The following SVIL variants were observed in gnomAD, a reference collection of about 807,000 sequenced individuals.
The protein encoded by SVIL is archvillin.
Under a neutral mutation model 240.4 loss-of-function variants are expected in SVIL, and 101 were observed. That is an observed-to-expected ratio of 0.42 (90% CI 0.36 to 0.50). SVIL has a LOEUF of 0.50. Among genes scored for constraint, SVIL ranks in the 20% least tolerant of loss-of-function variants. SVIL has a pLI of 0.01. For synonymous variants in SVIL, 999 were observed against 1,100.0 expected (o/e 0.91, Z 1.82); for missense variants, 2,512 against 2,818.7 (o/e 0.89, Z 2.46).
intron 1 of SVIL, among the ~76,000 whole-genome samples, chr10:29,720,500 C>T (rs1242442608): frequency 6.6e-6 from 1 of 151,952 alleles, no homozygotes; most frequent in Non-Finnish European, 1.5e-5. Context: ...GAATTCATCA[C>T]CAGAAGTCCT....
At chr10:29,635,397 T>G (rs904487609), upstream of SVIL, among the ~76,000 whole-genome samples, 1 of 152,212 alleles carries the variant, frequency 6.6e-6, no homozygotes, top group South Asian at 2.1e-4. Flanking sequence ...CTCTACAAGT[T>G]TACAAATTCT....
At chr10:29,470,597 G>T in intron 31 of SVIL, 114 bp from the exon 32 acceptor site, 2 of 1,159,920 alleles carry the variant, frequency 1.7e-6, no homozygotes, top group Non-Finnish European at 2.5e-6. Flanking sequence ...TCCAGGGCCA[G>T]GGACTTAGGG....
At chr10:29,678,345 C>A (rs1471034839) in intron 2 of SVIL, among the ~76,000 whole-genome samples, 1 of 151,894 alleles carries the variant, frequency 6.6e-6, no homozygotes, top group East Asian at 1.9e-4. Context: ...TCATAAGGAG[C>A]ATGCAACCTA....
intron 1 of SVIL, among the ~76,000 whole-genome samples, chr10:29,618,050 G>A (rs1179851113): frequency 1.3e-5 from 2 of 152,196 alleles, no homozygotes; most frequent in Non-Finnish European, 2.9e-5. Flanking sequence ...ACTGTTGTAA[G>A]GAGCTCGCTG....
chr10:29,482,181 A>G (rs1429745811), intron 27 of SVIL, among the ~76,000 whole-genome samples: 2 of 151,964 alleles, frequency 1.3e-5, no homozygotes, highest in African/African-American at 4.8e-5. Flanking sequence ...GGTGTGTGCC[A>G]CCATGCGTAG....
chr10:29,541,973 C>T (rs1480718310), intron 6 of SVIL, among the ~76,000 whole-genome samples: 1 of 152,186 alleles, frequency 6.6e-6, no homozygotes, highest in Non-Finnish European at 1.5e-5. Flanking sequence ...ACAAGTGCTG[C>T]TCACAGTGCG....
chr10:29,579,544 C>T (rs145466292), intron 1 of SVIL, among the ~76,000 whole-genome samples: 529 of 152,318 alleles, frequency 3.5e-3, no homozygotes, highest in African/African-American at 0.012. Context: ...CCAGGTGAGA[C>T]GTGTCACCTC....
chr10:29,618,472 G>A (rs1957508270), intron 1 of SVIL, among the ~76,000 whole-genome samples: 1 of 152,110 alleles, frequency 6.6e-6, no homozygotes, highest in Non-Finnish European at 1.5e-5. Context: ...AAAAGTCAAA[G>A]CATGTTCAGA....
chr10:29,466,570 T>C (rs148513219), intron 33 of SVIL, among the ~76,000 whole-genome samples: 3 of 152,272 alleles, frequency 2.0e-5, no homozygotes, highest in East Asian at 3.9e-4. Context: ...AACTGCATTA[T>C]TGTATAAGGG....
At chr10:29,521,191 C>T (rs1259837305) in intron 16 of SVIL, among the ~76,000 whole-genome samples, 1 of 148,872 alleles carries the variant, frequency 6.7e-6, no homozygotes, top group Admixed American at 6.7e-5. Flanking sequence ...CCATTGCACT[C>T]CAGCCTGGGT....
chr10:29,699,291 C>A (rs770708008), intron 1 of SVIL, among the ~76,000 whole-genome samples: 2 of 151,908 alleles, frequency 1.3e-5, no homozygotes, highest in East Asian at 3.9e-4. Flanking sequence ...ACCATGACCA[C>A]CTCTTTTTGT....
intron 1 of SVIL, among the ~76,000 whole-genome samples, chr10:29,686,805 C>T (rs2132602311): frequency 1.3e-5 from 2 of 152,336 alleles, no homozygotes; most frequent in African/African-American, 2.4e-5. Context: ...TCCATATGAC[C>T]AGCACAGTAG....
At chr10:29,610,158 G>A (rs2132870636) in intron 1 of SVIL, among the ~76,000 whole-genome samples, 1 of 152,184 alleles carries the variant, frequency 6.6e-6, no homozygotes, top group East Asian at 1.9e-4. Flanking sequence ...CTGAGTTCTT[G>A]CAGATCTCTA....
At chr10:29,522,709 T>G (rs1341435132) in intron 15 of SVIL, 74 bp from the exon 16 acceptor site, 4 of 1,502,562 alleles carry the variant, frequency 2.7e-6, no homozygotes, top group Non-Finnish European at 3.6e-6. Context: ...CCCTCAACAG[T>G]GCAGCTCTCA....
chr10:29,644,584 C>G (rs768025530), intron 3 of SVIL, among the ~76,000 whole-genome samples: 6 of 152,078 alleles, frequency 3.9e-5, no homozygotes, highest in Non-Finnish European at 8.8e-5. Context: ...TAAAACGGAA[C>G]CACTTGAACC....
At chr10:29,711,372 C>T (rs1042733639) in intron 1 of SVIL, among the ~76,000 whole-genome samples, 3 of 152,124 alleles carry the variant, frequency 2.0e-5, no homozygotes, top group African/African-American at 7.2e-5. Flanking sequence ...TGCACTCCAG[C>T]CTGGGTGACA....
chr10:29,500,773 C>T (rs1948823935), intron 17 of SVIL, among the ~76,000 whole-genome samples: 1 of 152,082 alleles, frequency 6.6e-6, no homozygotes, highest in Admixed American at 6.6e-5. Context: ...ACTCGGAGAG[C>T]CCCGAGTCAA....
intron 1 of SVIL, among the ~76,000 whole-genome samples, chr10:29,722,266 C>G (rs1485157366): frequency 6.8e-6 from 1 of 147,132 alleles, no homozygotes; most frequent in Non-Finnish European, 1.5e-5. Flanking sequence ...AGAAAAAAAA[C>G]TGCATCAGCA....
chr10:29,682,061 T>C (rs1159607859), intron 2 of SVIL, among the ~76,000 whole-genome samples: 1 of 152,116 alleles, frequency 6.6e-6, no homozygotes, highest in East Asian at 1.9e-4. Context: ...CTGGTGATCC[T>C]AGCTAGTAAA....
Sources: allele counts gnomAD v4.1 joint callset (sites outside exome capture counted in the v4.1 genomes callset), GRCh38; gene constraint gnomAD v4.1.1; transcripts MANE v1.5; gene names NCBI Gene and HGNC (gene_info 2026-07-23, HGNC 2026-07-21).